TTC23: variants seen among roughly 807,000 people sequenced by gnomAD.
TTC23 encodes the protein tetratricopeptide repeat protein 23.
TTC23 carries 58 observed loss-of-function variants against 55.1 expected under a neutral mutation model. That is an observed-to-expected ratio of 1.05 (90% confidence interval 0.85 to 1.31). TTC23 has a LOEUF of 1.31. Ranked by LOEUF, TTC23 falls within the 50% of genes most tolerant of loss-of-function variation. The pLI, the probability that TTC23 is intolerant of heterozygous loss-of-function variation, is 0.00. For missense variants in TTC23, 516 were observed against 534.4 expected, an observed-to-expected ratio of 0.97 and a Z score of 0.34; for synonymous variants, 203 against 199.9, an observed-to-expected ratio of 1.02 and a Z score of -0.13.
At chr15:99,186,001 C>G (rs1368831443) in intron 9 of TTC23, among the ~76,000 whole-genome samples, 1 of 152,174 alleles carries the variant, frequency 6.6e-6, no homozygotes, top group East Asian at 1.9e-4. Flanking sequence ...GGAAAAATAA[C>G]AAAACCTCTT....
chr15:99,192,035 G>A (rs140497691), intron 9 of TTC23, among the ~76,000 whole-genome samples: 1,631 of 152,282 alleles, frequency 0.011, 31 homozygotes, highest in Admixed American at 0.05. Context: ...CCCTGTCCTA[G>A]AGATTTGTGG....
chr15:99,239,942 A>T (rs1460430661), intron 3 of TTC23, among the ~76,000 whole-genome samples: 1 of 152,242 alleles, frequency 6.6e-6, no homozygotes, highest in Non-Finnish European at 1.5e-5. Context: ...AACCTAAATC[A>T]GTTGCACATC....
At chr15:99,156,421 A>G (rs1428143254) in intron 11 of TTC23, 124 bp from the exon 12 acceptor site, 24 of 1,131,084 alleles carry the variant, frequency 2.1e-5, no homozygotes, top group Middle Eastern at 2.2e-4. Flanking sequence ...CTCCTCTTGT[A>G]TTAGTCCATT....
At chr15:99,138,154 G>A in intron 13 of TTC23, 27 bp from the exon 14 acceptor site, 1 of 1,610,368 alleles carries the variant, frequency 6.2e-7, no homozygotes, top group Non-Finnish European at 8.5e-7. Flanking sequence ...GGTGGGGTGA[G>A]TGTGGTGCCC....
At chr15:99,205,186 T>C (rs1401766012) in intron 8 of TTC23, among the ~76,000 whole-genome samples, 1 of 152,188 alleles carries the variant, frequency 6.6e-6, no homozygotes, top group African/African-American at 2.4e-5. Context: ...TATCATGCTG[T>C]TTTGGTGACT....
chr15:99,176,080 C>A (rs2073515359), intron 9 of TTC23, among the ~76,000 whole-genome samples: 1 of 152,224 alleles, frequency 6.6e-6, no homozygotes, highest in South Asian at 2.1e-4. Flanking sequence ...ATGCAAAATA[C>A]CTGCTTTCAA....
At chr15:99,225,156 G>A (rs577375046) in intron 5 of TTC23, among the ~76,000 whole-genome samples, 1 of 152,158 alleles carries the variant, frequency 6.6e-6, no homozygotes, top group Non-Finnish European at 1.5e-5. Context: ...TAATAGCCTT[G>A]GTTCTCAGGA....
rs1277043935 is a variant in TTC23, at chr15:99,175,119, C to T, written c.796G>A (p.Val266Met). Residue 266 changes from valine to methionine, a missense_variant, in exon 10 of 14, where the codon GTG becomes ATG. Transcript: ENST00000394132. Reference protein sequence around the residue: ...LIILSRSPSQVEAADSAHIVA... With the variant: ...LIILSRSPSQMEAADSAHIVA... ...ATGTGTGCCGAGTCTGCTGCCTCCA[C>T]TTGAGAGGGGCTTCTACTCAGGATG... 1 of 1,614,180 alleles carries T rather than the reference C, an allele frequency of 6.2e-7. No individual in the cohort carries two copies. Among genetic ancestry groups the T allele is most frequent in the Admixed American group, 1.7e-5 (1 of 60,020 alleles).
intron 8 of TTC23, among the ~76,000 whole-genome samples, chr15:99,207,687 A>G (rs1043563037): frequency 4.6e-5 from 7 of 152,150 alleles, no homozygotes; most frequent in African/African-American, 1.7e-4. Context: ...AACCCGGGAG[A>G]TGGAGGATGC....
rs2075014986 is a variant in TTC23 at position 99,189,202 on chromosome 15, T to C, written c.759+10717A>G. Among the ~76,000 whole-genome samples, 2 of 152,186 alleles carry C rather than the reference T, an allele frequency of 1.3e-5. 1 individual carries two copies. Among genetic ancestry groups the C allele is most frequent in the South Asian group, 4.1e-4 (2 of 4,834 alleles). On this transcript the variant is annotated intron_variant, in intron 9 of 13. Transcript: ENST00000394132. ...TTCATAGTATGAAGGTTTCCAGATA[T>C]ACTGTTATGTGAAAAGAGCAAACAT...
At chr15:99,207,189 A>G (rs2076692505) in intron 8 of TTC23, among the ~76,000 whole-genome samples, 2 of 152,208 alleles carry the variant, frequency 1.3e-5, no homozygotes, top group Non-Finnish European at 1.5e-5. Flanking sequence ...ATAAGAACAG[A>G]AAAGATAGGT....
At chr15:99,139,675 GGCAA>G (rs1480176842) in intron 12 of TTC23, 3 of 1,406,904 alleles carry the variant, frequency 2.1e-6, no homozygotes, top group Non-Finnish European at 2.8e-6. Context: ...TAAAAATAAA[GGCAA>G]GAACCTTGGT....
At chr15:99,139,272 TGGAAA>T in intron 13 of TTC23, 40 bp downstream of exon 13, 1 of 1,591,028 alleles carries the variant, frequency 6.3e-7, no homozygotes, top group Non-Finnish European at 8.5e-7. Flanking sequence ...AGATTCTGAA[TGGAAA>T]GGGAATGAGA....
chr15:99,158,263 G>T (rs2070879433), intron 11 of TTC23: 1 of 152,242 alleles, frequency 6.6e-6, no homozygotes, highest in Non-Finnish European at 1.5e-5. Flanking sequence ...GACTTGGACT[G>T]CTGAGAGTGC....
chr15:99,148,121 G>A, intron 12 of TTC23, among the ~76,000 whole-genome samples: 1 of 151,832 alleles, frequency 6.6e-6, no homozygotes. Flanking sequence ...CTAGCACTTT[G>A]GGAGGCCGAG....
chr15:99,239,873 T>C (rs557032716), intron 3 of TTC23, among the ~76,000 whole-genome samples: 10 of 152,344 alleles, frequency 6.6e-5, no homozygotes, highest in African/African-American at 2.2e-4. Context: ...CTTACAACCA[T>C]GTAAGGTACA....
chr15:99,196,039 C>T (rs2075676271), intron 9 of TTC23, among the ~76,000 whole-genome samples: 1 of 151,544 alleles, frequency 6.6e-6, no homozygotes, highest in South Asian at 2.1e-4. Flanking sequence ...GTAATCCCAG[C>T]TACTCGGGAG....
rs190898686 is a variant in TTC23 at position 99,235,473 on chromosome 15, C to T, written c.-113-393G>A. On this transcript the variant is annotated intron_variant, in intron 3 of 13. Coordinates refer to ENST00000394132, the MANE Select transcript of TTC23 (RefSeq NM_001288615.3). ...GCAATCTCTGCCTCCTGGGTTCAAG[C>T]GATTCCCCTGCCTCAGCCTCCCGAG... 3.9e-3 allele frequency among the ~76,000 whole-genome samples: 585 copies of T among 151,430 alleles called. 2 individuals are homozygous for T. The highest frequency in any genetic ancestry group is 6.9e-3 in the Non-Finnish European group (469 of 67,896).
intron 11 of TTC23, chr15:99,161,159 C>T (rs894389578): frequency 4.2e-5 from 5 of 119,546 alleles, no homozygotes; most frequent in East Asian, 2.3e-4. Context: ...TATCTGTGGG[C>T]GATTGTATAT....
Sources: allele counts gnomAD v4.1 joint callset (sites outside exome capture counted in the v4.1 genomes callset), GRCh38; gene constraint gnomAD v4.1.1; transcripts MANE v1.5; gene names NCBI Gene and HGNC (gene_info 2026-07-23, HGNC 2026-07-21).